MTX2: variants seen among roughly 807,000 people sequenced by gnomAD.
MTX2 encodes the protein metaxin-2.
In MTX2, 35 loss-of-function variants were observed where a neutral mutation model predicts 42.3. That is an observed-to-expected ratio of 0.83 (90% CI 0.63 to 1.10). The LOEUF (loss-of-function observed/expected upper bound fraction) is 1.10, where lower values mean the gene tolerates loss of function less well. MTX2 is among the 50% of genes least tolerant of loss of function. MTX2 has a pLI of 0.00. For missense variants in MTX2, 307 were observed against 304.1 expected (o/e 1.01, Z -0.07); for synonymous variants, 119 against 100.9 (o/e 1.18, Z -1.08).
At chr2:176,271,725 A>C (rs1318969701) in intron 1 of MTX2, among the ~76,000 whole-genome samples, 1 of 152,220 alleles carries the variant, frequency 6.6e-6, no homozygotes, top group African/African-American at 2.4e-5. Context: ...TTAAAATGAC[A>C]TTCTCTGGCC....
intron 3 of MTX2, among the ~76,000 whole-genome samples, chr2:176,306,346 A>G (rs1684143975): frequency 6.6e-6 from 1 of 152,160 alleles, no homozygotes; most frequent in Admixed American, 6.5e-5. Context: ...AGTCTTTACT[A>G]TTGTGAATAG....
At chr2:176,273,716 T>C (rs1692878227) in intron 1 of MTX2, among the ~76,000 whole-genome samples, 1 of 152,216 alleles carries the variant, frequency 6.6e-6, no homozygotes, top group Non-Finnish European at 1.5e-5. Context: ...TTCTCAGTTA[T>C]CGTTCCTAAA....
At chr2:176,303,549 A>G (rs13432789) in intron 3 of MTX2, among the ~76,000 whole-genome samples, 30,495 of 152,042 alleles carry the variant, frequency 0.2, 3,488 homozygotes, top group South Asian at 0.3. Flanking sequence ...ATGTTAAAGC[A>G]TTTTGCTGAT....
chr2:176,334,894 G>GTCACCTTTTTA (rs1437170001), intron 9 of MTX2, among the ~76,000 whole-genome samples: 17 of 152,008 alleles, frequency 1.1e-4, no homozygotes, highest in African/African-American at 3.9e-4. Flanking sequence ...TGAGAAGTGT[G>GTCACCTTTTTA]TCACCTTTTT....
At chr2:176,320,162 G>C (rs2105436948) in intron 3 of MTX2, among the ~76,000 whole-genome samples, 1 of 152,148 alleles carries the variant, frequency 6.6e-6, no homozygotes, top group East Asian at 1.9e-4. Context: ...GGACTAAGAA[G>C]CATGGGTTTT....
chr2:176,299,657 A>G (rs769131253), intron 3 of MTX2, among the ~76,000 whole-genome samples: 1 of 152,100 alleles, frequency 6.6e-6, no homozygotes, highest in African/African-American at 2.4e-5. Context: ...AGCCATGACT[A>G]TAAATGTGAC....
intron 2 of MTX2, 93 bp downstream of exon 2, chr2:176,297,000 T>C (rs1038869854): frequency 3.8e-6 from 5 of 1,312,988 alleles, no homozygotes; most frequent in Non-Finnish European, 5.4e-6. Flanking sequence ...AAAGAGAATA[T>C]AAAATGTAAA....
intron 3 of MTX2, among the ~76,000 whole-genome samples, chr2:176,305,739 C>A (rs1684126590): frequency 1.3e-5 from 2 of 151,986 alleles, no homozygotes; most frequent in South Asian, 2.1e-4. Flanking sequence ...AAAATTGACT[C>A]AAATATTCCA....
intron 4 of MTX2, among the ~76,000 whole-genome samples, chr2:176,324,338 A>G (rs1056748112): frequency 4.6e-5 from 7 of 151,420 alleles, no homozygotes; most frequent in African/African-American, 1.7e-4. Context: ...AGGTATGAAG[A>G]CACCCCTTCT....
chr2:176,279,216 G>A (rs1025404837), intron 1 of MTX2, among the ~76,000 whole-genome samples: 33 of 151,958 alleles, frequency 2.2e-4, no homozygotes, highest in African/African-American at 7.5e-4. Context: ...ATAGACTTTT[G>A]ATGTGTATAT....
At chr2:176,295,121 G>T (rs1683828024) in intron 1 of MTX2, among the ~76,000 whole-genome samples, 1 of 151,966 alleles carries the variant, frequency 6.6e-6, no homozygotes, top group Non-Finnish European at 1.5e-5. Context: ...TACAGTGTGG[G>T]GTACACAGAT....
intron 3 of MTX2, among the ~76,000 whole-genome samples, chr2:176,315,634 A>C (rs1684417652): frequency 1.3e-5 from 2 of 152,222 alleles, no homozygotes; most frequent in African/African-American, 4.8e-5. Context: ...TGTCTCACTC[A>C]GTAGAAGCCA....
At position 176,329,793 on chromosome 2, in the gene MTX2, A is replaced by G. The variant is rs114483148; in HGVS notation, c.543+367A>G. On this transcript the variant is annotated intron_variant, in intron 8 of 9. Transcript: ENST00000249442. ...GTTTTTTTTTTTTTTTAATTGAACA[A>G]TACATTGTGGGCACCTTTTATGTAA... Among the ~76,000 whole-genome samples, 1,484 of 148,486 alleles carry G rather than the reference A, an allele frequency of 1.0e-2. 21 individuals carry two copies. Among genetic ancestry groups the G allele is most frequent in the African/African-American group, 0.034 (1,376 of 40,746 alleles).
At chr2:176,332,013 T>C (rs559441603) in intron 9 of MTX2, among the ~76,000 whole-genome samples, 7 of 151,352 alleles carry the variant, frequency 4.6e-5, no homozygotes, top group East Asian at 3.9e-4. Context: ...TATCAAGATA[T>C]CATTTTTCTT....
intron 3 of MTX2, among the ~76,000 whole-genome samples, chr2:176,313,386 T>A (rs1363643871): frequency 7.3e-6 from 1 of 136,844 alleles, no homozygotes; most frequent in South Asian, 2.4e-4. Flanking sequence ...TCTACACTGA[T>A]TCTTTTTTTT....
At chr2:176,275,468 G>T (rs574321588) in intron 1 of MTX2, among the ~76,000 whole-genome samples, 1 of 152,080 alleles carries the variant, frequency 6.6e-6, no homozygotes, top group East Asian at 1.9e-4. Flanking sequence ...TGAACTGCTG[G>T]CCTCAAGTGT....
At position 176,270,304 on chromosome 2, in the gene MTX2, G is replaced by A. The variant is rs754876917; in HGVS notation, c.40+635G>A. On this transcript the variant is annotated intron_variant, in intron 1 of 9. Transcript: ENST00000249442. Reference sequence around the variant, plus strand: ...TCCTGCCTTAGCCTCCCGAGTAGTTGGGATTACAGGCGCCCGCCACCACGC... The same window carrying A: ...TCCTGCCTTAGCCTCCCGAGTAGTTAGGATTACAGGCGCCCGCCACCACGC... 5.4e-6 allele frequency: 7 copies of A among 1,303,284 alleles called. No individual in the cohort carries two copies. The Admixed American group carries it at 1.6e-4, about 30-fold the overall frequency. 80.7% of individuals were successfully genotyped at this position (1,303,284 alleles called of 1,614,324 possible). A position where few individuals can be genotyped will look rare whatever the true frequency, so the allele number is the denominator to read the frequency against.
At chr2:176,313,388 C>A (rs202177765) in intron 3 of MTX2, among the ~76,000 whole-genome samples, 1 of 103,510 alleles carries the variant, frequency 9.7e-6, no homozygotes, top group Non-Finnish European at 1.9e-5. Flanking sequence ...TACACTGATT[C>A]TTTTTTTTTT....
In MTX2 at chr2:176,269,658, C is replaced by G. The variant is rs551177944; in HGVS notation, c.29C>G (p.Ser10Cys). 35 of 1,598,142 alleles carry G rather than the reference C, an allele frequency of 2.2e-5. No homozygotes were observed. In the South Asian group the frequency reaches 3.6e-4, roughly 16 times the overall value. ...TCTCTAGTGGCGGAAGCCTTCGTCT[C>G]CCAGATTGCAGGTAGCGCGGCTGGC... MSLVAEAFV[S>C]QIAAAEPWPE... is the part of the protein sequence containing the mutation. The change falls in exon 1 of 10, where the codon TCC (serine) becomes TGC (cysteine). Residue 10 changes from serine (S) to cysteine (C), a missense_variant. Ser to Cys is a moderately radical substitution (Grantham distance 112). Coordinates refer to ENST00000249442, the MANE Select transcript of MTX2 (RefSeq NM_006554.5).
Sources: gnomAD v4.1 joint callset for allele counts (sites outside exome capture counted in the v4.1 genomes callset) on GRCh38, gnomAD v4.1.1 for gene constraint, MANE v1.5 for transcripts, NCBI Gene and HGNC (gene_info 2026-07-23, HGNC 2026-07-21) for gene names.